Variants in MLIP observed in about 807,000 individuals in gnomAD.
MLIP encodes muscular LMNA interacting protein.
In MLIP, 79 loss-of-function variants were observed where a neutral mutation model predicts 84.8. That is an observed-to-expected ratio of 0.93 (90% CI 0.78 to 1.12). MLIP has a LOEUF of 1.12. Ranked by LOEUF, MLIP falls within the 50% of genes most tolerant of loss-of-function variation. The pLI is 0.00. For missense variants in MLIP, 1,257 were observed against 1,160.6 expected, an observed-to-expected ratio of 1.08 and a Z score of -1.21; for synonymous variants, 504 against 463.0, an observed-to-expected ratio of 1.09 and a Z score of -1.14.
At chr6:54,071,818 G>T (rs1766502282) in intron 1 of MLIP, among the ~76,000 whole-genome samples, 1 of 152,102 alleles carries the variant, frequency 6.6e-6, no homozygotes, top group South Asian at 2.1e-4. Flanking sequence ...AGAGAGAAAT[G>T]AAAATAAACC....
intron 9 of MLIP, among the ~76,000 whole-genome samples, chr6:54,189,009 A>G (rs1224912980): frequency 6.6e-6 from 1 of 152,230 alleles, no homozygotes; most frequent in East Asian, 1.9e-4. Context: ...CTGTCACTCA[A>G]GAATGAGAAC....
chr6:54,165,282 T>G (rs1775061525), intron 8 of MLIP, among the ~76,000 whole-genome samples: 1 of 152,068 alleles, frequency 6.6e-6, no homozygotes, highest in African/African-American at 2.4e-5. Flanking sequence ...ACTCTATTTC[T>G]GCCTCCCTGC....
upstream of MLIP, among the ~76,000 whole-genome samples, chr6:54,111,215 T>TTTTTTC (rs200384033): frequency 2.0e-5 from 3 of 152,162 alleles, no homozygotes; most frequent in Non-Finnish European, 4.4e-5. Flanking sequence ...ATCAGTGGCT[T>TTTTTTC]TTTTTCTTTT....
intron 1 of MLIP, among the ~76,000 whole-genome samples, chr6:54,070,334 C>A (rs960369704): frequency 6.6e-6 from 1 of 151,944 alleles, no homozygotes; most frequent in Non-Finnish European, 1.5e-5. Context: ...TTCCCCACCT[C>A]CCCCCCATGT....
At chr6:54,236,268 G>A (rs144012269) in intron 12 of MLIP, among the ~76,000 whole-genome samples, 281 of 152,306 alleles carry the variant, frequency 1.8e-3, no homozygotes, top group Middle Eastern at 3.4e-3. Flanking sequence ...GTTGAACAAG[G>A]CAATGCCCTG....
At chr6:54,046,130 A>T (rs576344179) in intron 1 of MLIP, 1 of 152,276 alleles carries the variant, frequency 6.6e-6, no homozygotes, top group South Asian at 2.1e-4. Flanking sequence ...TATTTCCCTG[A>T]GTTCCAGTGT....
chr6:54,165,923 C>G (rs1775130929), intron 8 of MLIP, among the ~76,000 whole-genome samples: 1 of 151,900 alleles, frequency 6.6e-6, no homozygotes, highest in South Asian at 2.1e-4. Flanking sequence ...ACCTCTTACC[C>G]TTTCCACCAT....
At chr6:54,224,638 G>A (rs946671236) in intron 11 of MLIP, among the ~76,000 whole-genome samples, 17 of 151,970 alleles carry the variant, frequency 1.1e-4, no homozygotes, top group Non-Finnish European at 2.2e-4. Context: ...GGTTACATGA[G>A]TAAGTTCTTT....
At chr6:54,047,994 T>C (rs1316561077) in intron 1 of MLIP, among the ~76,000 whole-genome samples, 1 of 152,134 alleles carries the variant, frequency 6.6e-6, no homozygotes, top group Non-Finnish European at 1.5e-5. Context: ...AATTATATAG[T>C]AAGTGGTTGA....
chr6:54,115,443 T>G (rs1769829750), intron 1 of MLIP, among the ~76,000 whole-genome samples: 1 of 152,030 alleles, frequency 6.6e-6, no homozygotes, highest in Admixed American at 6.6e-5. Context: ...GTTGGACTAC[T>G]AGGGGGATAG....
intron 13 of MLIP, among the ~76,000 whole-genome samples, chr6:54,263,038 A>C (rs1783485205): frequency 6.6e-6 from 1 of 152,032 alleles, no homozygotes; most frequent in African/African-American, 2.4e-5. Context: ...CTTCAAAGTC[A>C]TCTCAACAGA....
rs116328971 is a variant in MLIP, at chr6:54,151,062, C to A, written c.2289+1935C>A. Among the ~76,000 whole-genome samples the A allele has an allele frequency of 2.0e-3, 308 of 152,196 alleles. 2 individuals are homozygous for A. The highest frequency in any genetic ancestry group is 7.1e-3 in the African/African-American group (294 of 41,526). ...AATAGTGTTATTCTAGAGGGTGCTG[C>A]ATTATTGTATAAGGGCTAGTGTAGG... On this transcript the variant is annotated intron_variant, in intron 5 of 13. Coordinates refer to ENST00000502396, the MANE Select transcript of MLIP (RefSeq NM_001281747.2).
rs1349402675 is a variant in MLIP at position 54,137,018 on chromosome 6, G to C, written c.949G>C (p.Asp317His). Residue 317 changes from aspartate (D) to histidine (H), a missense_variant, in exon 4 of 14, where the codon GAT becomes CAT. Asp to His is a moderately conservative substitution (Grantham distance 81). Transcript: ENST00000502396. Reference sequence around the variant, plus strand: ...TAATTTACCCAGTTCAACTGCAGCAGATCCAAAGCCTGGACTGACCTCTGA... The same window carrying C: ...TAATTTACCCAGTTCAACTGCAGCACATCCAAAGCCTGGACTGACCTCTGA... ...GSNLPSSTAA[D>H]PKPGLTSEVL... The C allele has an allele frequency of 1.3e-6, 2 of 1,536,040 alleles. No homozygotes were observed. The highest frequency in any genetic ancestry group is 1.2e-5 in the South Asian group (1 of 84,056).
At chr6:54,057,184 C>T (rs1264833208) in intron 1 of MLIP, among the ~76,000 whole-genome samples, 1 of 152,188 alleles carries the variant, frequency 6.6e-6, no homozygotes, top group African/African-American at 2.4e-5. Flanking sequence ...AGCTAGTTGG[C>T]ACCAGAGATG....
intron 12 of MLIP, among the ~76,000 whole-genome samples, chr6:54,256,355 G>A (rs112993637): frequency 0.03 from 4,496 of 152,172 alleles, 215 homozygotes; most frequent in African/African-American, 0.1. Flanking sequence ...ATTGCTCTGG[G>A]GGTTTAAGAG....
chr6:54,160,693 T>TTTCTTTCCTTTTCTCTTC (rs1415944218), intron 7 of MLIP, 47 bp from the exon 8 acceptor site: 4 of 1,518,318 alleles, frequency 2.6e-6, no homozygotes, highest in African/African-American at 2.8e-5. Context: ...GGCTTGTCCT[T>TTTCTTTCCTTTTCTCTTC]TTCTTTCCTT....
At chr6:54,156,705 A>G (rs1774067201) in intron 5 of MLIP, among the ~76,000 whole-genome samples, 1 of 152,078 alleles carries the variant, frequency 6.6e-6, no homozygotes, top group South Asian at 2.1e-4. Flanking sequence ...TATTAATTTA[A>G]CTTAACTTCA....
intron 1 of MLIP, among the ~76,000 whole-genome samples, chr6:54,090,837 A>G (rs182064045): frequency 6.6e-5 from 10 of 152,278 alleles, no homozygotes; most frequent in African/African-American, 2.2e-4. Flanking sequence ...ATGAATTTGA[A>G]TCCCACTTAT....
intron 1 of MLIP, among the ~76,000 whole-genome samples, chr6:54,050,902 G>T (rs1765339010): frequency 6.6e-6 from 1 of 152,064 alleles, no homozygotes; most frequent in South Asian, 2.1e-4. Flanking sequence ...GAACTCACAG[G>T]TCCATCTGTG....
Sources: gnomAD v4.1 joint callset for allele counts (sites outside exome capture counted in the v4.1 genomes callset) on GRCh38, gnomAD v4.1.1 for gene constraint, MANE v1.5 for transcripts, NCBI Gene and HGNC (gene_info 2026-07-23, HGNC 2026-07-21) for gene names.